Variants in SMIM35 observed in about 807,000 individuals in gnomAD.
SMIM35 encodes TMPRSS4 antisense RNA 1 (non-protein coding).
At chr11:118,029,607 C>T (rs2058301652) in intron 1 of SMIM35, 3 of 456,540 alleles carry the variant, frequency 6.6e-6, no homozygotes, top group African/African-American at 6.0e-5. Flanking sequence ...ATTGTCATAT[C>T]ACTGTCAGCA....
At position 118,085,744 on chromosome 11, in the gene SMIM35, G is replaced by T. The variant is rs111549109; in HGVS notation, c.7+1007C>A. On this transcript the variant is annotated intron_variant, in intron 1 of 4. Coordinates refer to ENST00000689828, the MANE Select transcript of SMIM35 (RefSeq NM_001394165.1). ...AGGCTGAAAGGCTGAACTGTGTGGC[G>T]GGACCCCTTCTGGCCCTCTCGAGTC... Among the ~76,000 whole-genome samples, 155 of 152,270 alleles carry T rather than the reference G, an allele frequency of 1.0e-3. 2 individuals carry two copies. Among genetic ancestry groups the T allele is most frequent in the Non-Finnish European group, 2.4e-4 (16 of 68,016 alleles).
intron 4 of SMIM35, among the ~76,000 whole-genome samples, chr11:118,012,444 C>T (rs2058155359): frequency 5.9e-5 from 9 of 152,236 alleles, no homozygotes; most frequent in Admixed American, 5.9e-4. Context: ...TCAGCCTCGC[C>T]TGGGTTCCTC....
chr11:118,007,726 T>A (rs1469157983), intron 4 of SMIM35, among the ~76,000 whole-genome samples: 1 of 151,682 alleles, frequency 6.6e-6, no homozygotes, highest in African/African-American at 2.4e-5. Context: ...CTCACCATCA[T>A]CCCCCCAGTG....
intron 1 of SMIM35, among the ~76,000 whole-genome samples, chr11:118,082,026 C>T (rs1040013172): frequency 4.6e-5 from 7 of 152,174 alleles, no homozygotes; most frequent in Non-Finnish European, 8.8e-5. Flanking sequence ...ACATCACTCA[C>T]GATCACATCT....
chr11:118,059,206 G>A (rs989139024), intron 1 of SMIM35: 1 of 152,364 alleles, frequency 6.6e-6, no homozygotes, highest in Admixed American at 6.5e-5. Context: ...TAACCTGGGG[G>A]GCGTGGGACT....
At chr11:118,057,753 G>A (rs1015201943) in intron 1 of SMIM35, among the ~76,000 whole-genome samples, 16 of 152,204 alleles carry the variant, frequency 1.1e-4, no homozygotes, top group African/African-American at 3.1e-4. Context: ...GAGAGAAATC[G>A]GAGGTGTGAT....
chr11:118,070,140 T>C (rs1266016201), intron 1 of SMIM35, among the ~76,000 whole-genome samples: 1 of 152,220 alleles, frequency 6.6e-6, no homozygotes, highest in Non-Finnish European at 1.5e-5. Flanking sequence ...TGGGATAAAG[T>C]AAATCTATAC....
intron 1 of SMIM35, among the ~76,000 whole-genome samples, chr11:118,075,916 A>C (rs973143754): frequency 2.5e-5 from 2 of 81,110 alleles, no homozygotes; most frequent in African/African-American, 8.8e-5. Flanking sequence ...TTCACCTTGC[A>C]CATCCCCTGG....
At chr11:118,070,240 G>A (rs377643062) in intron 1 of SMIM35, among the ~76,000 whole-genome samples, 7 of 151,820 alleles carry the variant, frequency 4.6e-5, no homozygotes, top group Admixed American at 6.6e-5. Context: ...GCAATGGTGC[G>A]ACCTCGGCTC....
intron 1 of SMIM35, among the ~76,000 whole-genome samples, chr11:118,038,947 G>A (rs902545183): frequency 6.6e-6 from 1 of 152,204 alleles, no homozygotes; most frequent in Admixed American, 6.5e-5. Flanking sequence ...GAAGTGAGGA[G>A]AGGGGGTGGA....
intron 1 of SMIM35, among the ~76,000 whole-genome samples, chr11:118,032,224 C>T (rs891875846): frequency 6.6e-6 from 1 of 152,156 alleles, no homozygotes; most frequent in African/African-American, 2.4e-5. Flanking sequence ...GCTGTAAAAG[C>T]CACTATCGGG....
chr11:118,048,743 A>AAAAACACGG (rs1219262461), intron 1 of SMIM35, among the ~76,000 whole-genome samples: 2 of 151,928 alleles, frequency 1.3e-5, no homozygotes, highest in Non-Finnish European at 2.9e-5. Flanking sequence ...ACAAAAAACA[A>AAAAACACGG]AAAACACGGC....
chr11:118,056,072 C>T (rs1944304918), intron 1 of SMIM35, among the ~76,000 whole-genome samples: 3 of 151,948 alleles, frequency 2.0e-5, no homozygotes, highest in South Asian at 2.1e-4. Context: ...ATCACGGTTC[C>T]CTTAAGGTTC....
intron 1 of SMIM35, among the ~76,000 whole-genome samples, chr11:118,076,129 G>A (rs372311455): frequency 1.3e-5 from 2 of 152,212 alleles, no homozygotes; most frequent in Admixed American, 6.5e-5. Context: ...AGCCAGGCAT[G>A]GTGGCGCACA....
intron 1 of SMIM35, among the ~76,000 whole-genome samples, chr11:118,077,986 C>T (rs560105366): frequency 7.9e-6 from 1 of 126,450 alleles, no homozygotes; most frequent in South Asian, 2.5e-4. Context: ...GCACTCCAAC[C>T]TGGGCAACAA....
intron 1 of SMIM35, among the ~76,000 whole-genome samples, chr11:118,047,920 C>T (rs1944127924): frequency 2.0e-5 from 3 of 152,114 alleles, no homozygotes; most frequent in Admixed American, 6.5e-5. Context: ...CAGACAGCAG[C>T]CCAGAGCGTT....
intron 1 of SMIM35, among the ~76,000 whole-genome samples, chr11:118,078,751 A>G (rs1365661954): frequency 6.6e-6 from 1 of 152,182 alleles, no homozygotes; most frequent in Non-Finnish European, 1.5e-5. Context: ...CACTAACTGC[A>G]GAATCAGAAG....
chr11:118,024,975 T>G (rs1164864586), intron 1 of SMIM35, among the ~76,000 whole-genome samples: 1 of 152,194 alleles, frequency 6.6e-6, no homozygotes, highest in Non-Finnish European at 1.5e-5. Flanking sequence ...CCTGTCCATA[T>G]GTACCCAGTG....
chr11:118,053,307 A>AACACACACACACACAC (rs57912361), intron 1 of SMIM35, among the ~76,000 whole-genome samples: 1 of 142,100 alleles, frequency 7.0e-6, no homozygotes, highest in African/African-American at 2.7e-5. Flanking sequence ...GACTCTCTAA[A>AACACACACACACACAC]ACACACACAC....
Sources: allele counts gnomAD v4.1 joint callset (sites outside exome capture counted in the v4.1 genomes callset), GRCh38; gene constraint gnomAD v4.1.1; transcripts MANE v1.5; gene names NCBI Gene and HGNC (gene_info 2026-07-23, HGNC 2026-07-21).